SHCBP1: variants seen among roughly 807,000 people sequenced by gnomAD.
SHCBP1 encodes the protein SHC binding and spindle associated 1, also known as SHC SH2 domain-binding protein 1.
A neutral mutation model predicts 75.1 loss-of-function variants in SHCBP1; 60 were observed. The ratio of observed to expected loss-of-function variants is 0.80; its 90% CI spans 0.65 to 0.99. The LOEUF (loss-of-function observed/expected upper bound fraction) is 0.99, where lower values mean the gene tolerates loss of function less well. Among genes scored for constraint, SHCBP1 ranks in the 50% least tolerant of loss-of-function variants. The probability of loss-of-function intolerance (pLI) is 0.00; values close to 1 mark genes in which losing one functional copy is unlikely to be tolerated. For synonymous variants in SHCBP1, 290 were observed against 293.2 expected, an observed-to-expected ratio of 0.99 and a Z score of 0.11; for missense variants, 709 against 809.4, an observed-to-expected ratio of 0.88 and a Z score of 1.50.
Position 46,581,819 on chromosome 16 carries a change from G to T in SHCBP1, c.1929C>A (p.Asp643Glu), listed in dbSNP as rs374314490. The T allele has an allele frequency of 6.2e-7, 1 of 1,614,174 alleles. No homozygotes were observed. The highest frequency in any genetic ancestry group is 1.1e-5 in the South Asian group (1 of 91,088). The stretch of plus-strand genomic sequence containing the variant: ...CAAACATCTCCTGTGACATTAAGTT[G>T]TCATCAGCTTGCGTGATCCCCAGTT... ...LSELGITQAD[D>E]NLMSQEMFVG... is the part of the protein sequence containing the mutation. Residue 643 changes from aspartate to glutamate, a missense_variant, in exon 13 of 13, where the codon GAC becomes GAA. Coordinates refer to ENST00000303383, the MANE Select transcript of SHCBP1 (RefSeq NM_024745.5).
intron 5 of SHCBP1, among the ~76,000 whole-genome samples, chr16:46,605,597 AAAACAAAC>A (rs1216640259): frequency 1.3e-5 from 2 of 152,180 alleles, no homozygotes; most frequent in East Asian, 3.8e-4. Flanking sequence ...CCTGTCTCAA[AAAACAAAC>A]AAACAAACAA....
rs1295088184 is a variant in SHCBP1 at position 46,604,155 on chromosome 16, G to C, written c.924-12C>G. 1.4e-5 allele frequency: 23 copies of C among 1,613,500 alleles called. No homozygotes were observed. The highest frequency in any genetic ancestry group is 4.5e-5 in the East Asian group (2 of 44,876). ...AACCAAACACATACCTTAAAGAAAC[G>C]AAACAGGCCTATCAGTAAGACAGCA... On this transcript the variant is annotated splice_polypyrimidine_tract_variant and intron_variant, in intron 6 of 12. Transcript: ENST00000303383.
Position 46,616,285 on chromosome 16 carries a change from G to T in SHCBP1, c.388-131C>A. ...GGGAGGCTTTACCCATAATATAAAG[G>T]ATGAACAAGACAGGCTGCCTCTTAC... On this transcript the variant is annotated intron_variant, in intron 3 of 12. Transcript: ENST00000303383. This position sits in a 1 kb window ranked among gnomAD's most constrained non-coding sequence, Gnocchi z 4.4. 1 of 833,488 alleles carries T rather than the reference G, an allele frequency of 1.2e-6. No individual in the cohort carries two copies. Among genetic ancestry groups the T allele is most frequent in the South Asian group, 1.7e-5 (1 of 58,328 alleles). 51.6% of individuals were successfully genotyped at this position (833,488 alleles called of 1,614,324 possible). A position where few individuals can be genotyped will look rare whatever the true frequency, so the allele number is the denominator to read the frequency against.
At chr16:46,602,209 A>T (rs1965250182) in intron 8 of SHCBP1, among the ~76,000 whole-genome samples, 1 of 152,222 alleles carries the variant, frequency 6.6e-6, no homozygotes, top group Non-Finnish European at 1.5e-5. Flanking sequence ...TATGCCAAAA[A>T]ATAAAGTGTT....
At chr16:46,617,852 T>G (rs1965526253) in intron 2 of SHCBP1, 103 bp from the exon 3 acceptor site, 1 of 881,516 alleles carries the variant, frequency 1.1e-6, no homozygotes, top group Admixed American at 2.2e-5. Flanking sequence ...GGGACTGAAA[T>G]AGATAATCTA....
intron 10 of SHCBP1, among the ~76,000 whole-genome samples, chr16:46,592,235 A>C (rs1294850902): frequency 1.3e-5 from 2 of 152,164 alleles, no homozygotes; most frequent in Non-Finnish European, 2.9e-5. Context: ...AAGAGAGAAG[A>C]CACAAACTAC....
intron 5 of SHCBP1, among the ~76,000 whole-genome samples, chr16:46,607,120 G>A (rs996999722): frequency 5.3e-5 from 8 of 152,016 alleles, no homozygotes; most frequent in Non-Finnish European, 7.4e-5. Flanking sequence ...TTTGGGAGGC[G>A]GAGGCAGGCA....
rs1034248788 is a variant in SHCBP1, at chr16:46,579,565, T to C, written c.*2164A>G. On this transcript the variant is annotated 3_prime_UTR_variant, in exon 13 of 13. Transcript: ENST00000303383. ...GAAAAATCAATGTGATTTGGGAGGC[T>C]GAGGTGGGTGGATCACTTGAGGTCA... 1.3e-5 allele frequency among the ~76,000 whole-genome samples: 2 copies of C among 152,036 alleles called. No individual in the cohort carries two copies. The highest frequency in any genetic ancestry group is 4.8e-5 in the African/African-American group (2 of 41,398).
chr16:46,604,006 T>C lies in SHCBP1; in HGVS notation c.1061A>G (p.Gln354Arg), dbSNP rs369036517. 38 of 1,612,388 alleles carry C rather than the reference T, an allele frequency of 2.4e-5. No homozygotes were observed. Among genetic ancestry groups the C allele is most frequent in the African/African-American group, 4.0e-5 (3 of 74,822 alleles). The change falls in exon 7 of 13, where the codon CAG becomes CGG. Residue 354 changes from glutamine to arginine, a missense_variant. Transcript: ENST00000303383. ...TTCTCTTTCTTCCTCACCAGGCTCC[T>C]GGCAAAGCCTGTCCGTAAGCAGGGA... ...LRSLLTDRLC[Q>R]EPGEEEREIQ...
At chr16:46,585,172 G>A (rs1964937840) in intron 10 of SHCBP1, among the ~76,000 whole-genome samples, 1 of 152,084 alleles carries the variant, frequency 6.6e-6, no homozygotes, top group African/African-American at 2.4e-5. Flanking sequence ...AATTTGTAAA[G>A]GAGAACAATT....
chr16:46,581,631 TA>T lies in SHCBP1; in HGVS notation c.*97del. The T allele has an allele frequency of 8.8e-7, 1 of 1,132,698 alleles. No individual in the cohort carries two copies. The highest frequency in any genetic ancestry group is 1.6e-5 in the African/African-American group (1 of 64,104). 70.2% of individuals were successfully genotyped at this position (1,132,698 alleles called of 1,614,324 possible). A position where few individuals can be genotyped will look rare whatever the true frequency, so the allele number is the denominator to read the frequency against. On this transcript the variant is annotated 3_prime_UTR_variant, in exon 13 of 13. Transcript: ENST00000303383. Reference sequence around the variant, plus strand: ...TCACTCAAGCCCAAATAATCAAATATAAAATACAGACAATACAGCAAACTAC... The same window carrying T: ...TCACTCAAGCCCAAATAATCAAATATAAATACAGACAATACAGCAAACTAC...
In SHCBP1 at chr16:46,583,557, A is replaced by G. The variant is rs781600425; in HGVS notation, c.1652T>C (p.Ile551Thr). The G allele has an allele frequency of 1.2e-5, 20 of 1,610,306 alleles. No homozygotes were observed. In the South Asian group the frequency reaches 2.2e-4, roughly 18 times the overall value. Residue 551 changes from isoleucine (I) to threonine (T), a missense_variant, in exon 12 of 13, where the codon ATC (isoleucine) becomes ACC (threonine). By Grantham distance (89) the Ile-to-Thr change is moderately conservative (BLOSUM62 -1). Coordinates refer to ENST00000303383, the MANE Select transcript of SHCBP1 (RefSeq NM_024745.5). ...GYGVVLVKPTIFSDLQENAED... is the reference protein window; with the variant it reads ...GYGVVLVKPTTFSDLQENAED... ...AGCATTTTCTTGCAGGTCAGAGAAG[A>G]TTGTAGGTTTCACCAAGACAACACC...
chr16:46,603,490 C>T, intron 8 of SHCBP1, 49 bp downstream of exon 8: 4 of 1,610,064 alleles, frequency 2.5e-6, no homozygotes, highest in Non-Finnish European at 3.4e-6. Context: ...TTATTGTTTA[C>T]TTAAACATAT....
intron 4 of SHCBP1, among the ~76,000 whole-genome samples, chr16:46,614,232 G>A (rs892885064): frequency 1.2e-4 from 18 of 152,104 alleles, no homozygotes; most frequent in Admixed American, 6.5e-5. Context: ...TGGCAGCAGG[G>A]CCTGAAACAC....
At chr16:46,612,518 T>C (rs150068977) in intron 4 of SHCBP1, among the ~76,000 whole-genome samples, 140 of 152,252 alleles carry the variant, frequency 9.2e-4, no homozygotes, top group Non-Finnish European at 1.7e-3. Flanking sequence ...CTCTACTCGA[T>C]TGAAAAAACC....
At chr16:46,618,127 G>T in intron 2 of SHCBP1, 78 bp downstream of exon 2, 4 of 1,408,758 alleles carry the variant, frequency 2.8e-6, no homozygotes, top group Non-Finnish European at 2.9e-6. Flanking sequence ...GGTGAGCCGA[G>T]ATCGCACCAT....
intron 4 of SHCBP1, among the ~76,000 whole-genome samples, chr16:46,612,949 C>T (rs1053793954): frequency 3.3e-5 from 5 of 152,156 alleles, no homozygotes; most frequent in Admixed American, 2.0e-4. Context: ...AGCCTCCATC[C>T]GTCCTCTCTA....
At position 46,580,296 on chromosome 16, in the gene SHCBP1, T is replaced by A. The variant is rs1964850929; in HGVS notation, c.*1433A>T. Among the ~76,000 whole-genome samples, 1 of 152,152 alleles carries A rather than the reference T, an allele frequency of 6.6e-6. No homozygotes were observed. Among genetic ancestry groups the A allele is most frequent in the Non-Finnish European group, 1.5e-5 (1 of 68,020 alleles). On this transcript the variant is annotated 3_prime_UTR_variant, in exon 13 of 13. Coordinates refer to ENST00000303383, the MANE Select transcript of SHCBP1 (RefSeq NM_024745.5). ...TTTTAAACCTCCTTGCAACAAGATT[T>A]TTTAAAAGTAAAAATACCTTTCAAT...
intron 9 of SHCBP1, among the ~76,000 whole-genome samples, chr16:46,598,747 T>A (rs1345255260): frequency 1.3e-5 from 2 of 152,236 alleles, no homozygotes. Flanking sequence ...TGAAAAGTAC[T>A]AGATGGAATC....
Sources: gnomAD v4.1 joint callset for allele counts (sites outside exome capture counted in the v4.1 genomes callset) on GRCh38, gnomAD v4.1.1 for gene constraint, Gnocchi (gnomAD v3.1) non-coding constraint, MANE v1.5 for transcripts, NCBI Gene and HGNC (gene_info 2026-07-23, HGNC 2026-07-21) for gene names.